ADGRL3: variants seen among roughly 807,000 people sequenced by gnomAD.
ADGRL3 encodes the protein adhesion G protein-coupled receptor L3, also known as calcium-independent alpha-latrotoxin receptor 3.
A neutral mutation model predicts 153.5 loss-of-function variants in ADGRL3; 62 were observed. The ratio of observed to expected loss-of-function variants is 0.40; its 90% CI spans 0.33 to 0.50. ADGRL3 has a LOEUF of 0.50. Among genes scored for constraint, ADGRL3 ranks in the 20% least tolerant of loss-of-function variants. The pLI is 0.47. For missense variants in ADGRL3, 1,641 were observed against 1,859.4 expected (o/e 0.88, Z 2.16); for synonymous variants, 710 against 672.5 (o/e 1.06, Z -0.86).
At chr4:61,881,325 G>T (rs2098507026) in intron 9 of ADGRL3, among the ~76,000 whole-genome samples, 1 of 152,132 alleles carries the variant, frequency 6.6e-6, no homozygotes, top group Non-Finnish European at 1.5e-5. Flanking sequence ...TAAATTATAG[G>T]CTTGTTTTTA....
intron 8 of ADGRL3, among the ~76,000 whole-genome samples, chr4:61,776,442 A>G (rs1045629966): frequency 6.6e-6 from 1 of 152,214 alleles, no homozygotes; most frequent in African/African-American, 2.4e-5. Context: ...CACATAAGAA[A>G]TTGAATATCT....
At chr4:61,837,405 T>C (rs1161840571) in intron 9 of ADGRL3, among the ~76,000 whole-genome samples, 3 of 152,026 alleles carry the variant, frequency 2.0e-5, no homozygotes, top group Admixed American at 6.6e-5. Flanking sequence ...CCTAACTTAG[T>C]TGGGGAAAGG....
intron 1 of ADGRL3, among the ~76,000 whole-genome samples, chr4:61,233,303 T>C (rs1363315809): frequency 6.6e-6 from 1 of 152,190 alleles, no homozygotes; most frequent in Non-Finnish European, 1.5e-5. Flanking sequence ...GTTACTCTTT[T>C]CTTTTTTTAA....
At chr4:61,283,592 A>T (rs1162809146) in intron 1 of ADGRL3, among the ~76,000 whole-genome samples, 1 of 151,982 alleles carries the variant, frequency 6.6e-6, no homozygotes, top group Non-Finnish European at 1.5e-5. Context: ...CTCATTTGCA[A>T]CTTCATTTCA....
chr4:61,759,091 T>C (rs916482377), intron 8 of ADGRL3, among the ~76,000 whole-genome samples: 5 of 152,304 alleles, frequency 3.3e-5, no homozygotes, highest in Admixed American at 6.5e-5. Context: ...AACCCTGCCT[T>C]TCTTTCTGGC....
chr4:61,547,994 A>G (rs1420004952), intron 4 of ADGRL3, among the ~76,000 whole-genome samples: 2 of 151,974 alleles, frequency 1.3e-5, no homozygotes, highest in Non-Finnish European at 2.9e-5. Flanking sequence ...TCTGATGATT[A>G]GTGATGTTGA....
rs139347833 is a variant in ADGRL3, at chr4:61,305,703, G to A, written c.-239-77421G>A. Among the ~76,000 whole-genome samples the A allele has an allele frequency of 3.9e-5, 6 of 152,178 alleles. No individual in the cohort carries two copies. The East Asian group carries it at 1.2e-3, about 30-fold the overall frequency. ...GAAGCCAATACGTGAAACTGAACTT[G>A]AGCGTCAAGCAGTTAAGGCTTTATT... On this transcript the variant is annotated intron_variant, in intron 1 of 26. Coordinates refer to ENST00000683033, the MANE Select transcript of ADGRL3 (RefSeq NM_001387552.1).
intron 1 of ADGRL3, among the ~76,000 whole-genome samples, chr4:61,349,001 T>C (rs773826683): frequency 9.2e-5 from 14 of 151,972 alleles, no homozygotes; most frequent in Non-Finnish European, 1.8e-4. Context: ...AGTTTGAATA[T>C]AGCAGTCAAG....
intron 21 of ADGRL3, among the ~76,000 whole-genome samples, chr4:62,002,966 A>G (rs1255272827): frequency 6.6e-6 from 1 of 152,184 alleles, no homozygotes. Flanking sequence ...CTTGACATTT[A>G]CCTTCAAAAT....
rs144882802 is a variant in ADGRL3 at position 61,862,110 on chromosome 4, C to T, written c.1481-30546C>T. 5.0e-3 allele frequency among the ~76,000 whole-genome samples: 757 copies of T among 152,320 alleles called. 5 individuals carry two copies. The highest frequency in any genetic ancestry group is 0.017 in the African/African-American group (721 of 41,562). On this transcript the variant is annotated intron_variant, in intron 9 of 26. Coordinates refer to ENST00000683033, the MANE Select transcript of ADGRL3 (RefSeq NM_001387552.1). ...AAGATTGTAGAAGAAAGGAATTAGA[C>T]TATCCCTTTTCATAGGAAAATGGTA...
At chr4:61,257,939 C>T (rs577580133) in intron 1 of ADGRL3, among the ~76,000 whole-genome samples, 1 of 152,058 alleles carries the variant, frequency 6.6e-6, no homozygotes, top group Non-Finnish European at 1.5e-5. Context: ...TGTGTGTGGC[C>T]CCAGCTGCCT....
At chr4:61,434,620 GCTGA>G (rs10581639) in intron 2 of ADGRL3, among the ~76,000 whole-genome samples, 67,788 of 151,428 alleles carry the variant, frequency 0.45, 16,666 homozygotes, top group East Asian at 0.81. Flanking sequence ...TCCGAATCCT[GCTGA>G]CTATTTTTAA....
chr4:61,847,940 TTA>T (rs1219735093), intron 9 of ADGRL3, among the ~76,000 whole-genome samples: 25 of 15,534 alleles, frequency 1.6e-3, no homozygotes, highest in African/African-American at 3.3e-3. Flanking sequence ...ATAAAATATA[TTA>T]TATATATAAT....
chr4:61,504,993 T>A (rs961310166), intron 3 of ADGRL3, among the ~76,000 whole-genome samples: 2 of 152,178 alleles, frequency 1.3e-5, no homozygotes, highest in Non-Finnish European at 2.9e-5. Flanking sequence ...GATTTCTGGA[T>A]CATACAGTAG....
At chr4:61,643,055 G>T (rs1180161765) in intron 5 of ADGRL3, among the ~76,000 whole-genome samples, 3 of 152,166 alleles carry the variant, frequency 2.0e-5, no homozygotes, top group Non-Finnish European at 4.4e-5. Flanking sequence ...AAGCAATTGT[G>T]AATGGGAGAT....
rs186852921 is a variant in ADGRL3, at chr4:61,293,200, A to T, written c.-239-89924A>T. Among the ~76,000 whole-genome samples the T allele has an allele frequency of 4.3e-3, 657 of 152,288 alleles. 4 individuals carry two copies. The highest frequency in any genetic ancestry group is 0.015 in the African/African-American group (620 of 41,562). Reference sequence around the variant, plus strand: ...GTTCTGAGTGTATTGAGAGGAAAAGAGCTGGGAAACAGACTCACCAGAAGG... The same window carrying T: ...GTTCTGAGTGTATTGAGAGGAAAAGTGCTGGGAAACAGACTCACCAGAAGG... On this transcript the variant is annotated intron_variant, in intron 1 of 26. Transcript: ENST00000683033.
intron 5 of ADGRL3, among the ~76,000 whole-genome samples, chr4:61,631,472 C>T (rs1395114326): frequency 6.6e-6 from 1 of 152,116 alleles, no homozygotes; most frequent in Admixed American, 6.5e-5. Context: ...TCATAAAGTA[C>T]CTGTTAGTAT....
At chr4:61,615,350 A>T (rs2091875872) in intron 5 of ADGRL3, among the ~76,000 whole-genome samples, 1 of 152,138 alleles carries the variant, frequency 6.6e-6, no homozygotes, top group Non-Finnish European at 1.5e-5. Flanking sequence ...GATGAGAACA[A>T]GTAGAAAATA....
chr4:61,325,522 C>T (rs967672890), intron 1 of ADGRL3, among the ~76,000 whole-genome samples: 1 of 152,168 alleles, frequency 6.6e-6, no homozygotes, highest in African/African-American at 2.4e-5. Context: ...TGTGAATTCT[C>T]ATTTGTTTAA....
Sources: allele counts gnomAD v4.1 joint callset (sites outside exome capture counted in the v4.1 genomes callset), GRCh38; gene constraint gnomAD v4.1.1; transcripts MANE v1.5; gene names NCBI Gene and HGNC (gene_info 2026-07-23, HGNC 2026-07-21).